Variants in SMYD3 observed in about 807,000 individuals in gnomAD.
SMYD3 encodes SET and MYND domain containing 3.
Under a neutral mutation model 57.7 loss-of-function variants are expected in SMYD3, and 36 were observed. The observed-to-expected ratio is 0.62, with a 90% CI of 0.48 to 0.82. The LOEUF (loss-of-function observed/expected upper bound fraction) is 0.82, where lower values mean the gene tolerates loss of function less well. Ranked by LOEUF, SMYD3 falls within the 40% of genes least tolerant of loss-of-function variation. The pLI, the probability that SMYD3 is intolerant of heterozygous loss-of-function variation, is 0.00. For missense variants in SMYD3, 515 were observed against 538.8 expected, an observed-to-expected ratio of 0.96 and a Z score of 0.44; for synonymous variants, 211 against 195.0, an observed-to-expected ratio of 1.08 and a Z score of -0.68.
intron 1 of SMYD3, among the ~76,000 whole-genome samples, chr1:246,454,698 T>C (rs1410486731): frequency 6.6e-6 from 1 of 152,214 alleles, no homozygotes; most frequent in Admixed American, 6.5e-5. Flanking sequence ...TTAATTTCAG[T>C]AACCAGAGTT....
At chr1:245,961,246 C>T (rs1271513195) in intron 5 of SMYD3, among the ~76,000 whole-genome samples, 1 of 152,198 alleles carries the variant, frequency 6.6e-6, no homozygotes, top group African/African-American at 2.4e-5. Flanking sequence ...GGTCAACCCT[C>T]ATTTCTAGGA....
At chr1:246,306,028 G>A (rs2064972077) in intron 5 of SMYD3, 1 of 152,110 alleles carries the variant, frequency 6.6e-6, no homozygotes, top group South Asian at 2.1e-4. Flanking sequence ...TTCTGCTCCT[G>A]TCTTCATTAC....
At chr1:246,239,699 T>A (rs572987889) in intron 5 of SMYD3, among the ~76,000 whole-genome samples, 6 of 152,150 alleles carry the variant, frequency 3.9e-5, no homozygotes, top group African/African-American at 9.7e-5. Context: ...TAGTTTACAG[T>A]CCCACCAACA....
intron 1 of SMYD3, among the ~76,000 whole-genome samples, chr1:246,494,067 A>T (rs1023454337): frequency 3.3e-5 from 5 of 152,160 alleles, no homozygotes; most frequent in African/African-American, 1.2e-4. Flanking sequence ...CCCTCATCAC[A>T]AAATTCACCC....
intron 5 of SMYD3, among the ~76,000 whole-genome samples, chr1:246,284,957 C>T (rs57119414): frequency 0.029 from 3,696 of 126,868 alleles, 160 homozygotes; most frequent in African/African-American, 0.1. Flanking sequence ...CTAGTAACTG[C>T]CTTTCCTTTT....
chr1:246,300,921 G>A (rs912852031), intron 5 of SMYD3, among the ~76,000 whole-genome samples: 2 of 152,182 alleles, frequency 1.3e-5, no homozygotes, highest in African/African-American at 4.8e-5. Flanking sequence ...AGAAACAAGG[G>A]ATATTAACTT....
chr1:245,913,957 A>T (rs943888751), intron 8 of SMYD3, among the ~76,000 whole-genome samples: 7 of 152,226 alleles, frequency 4.6e-5, no homozygotes, highest in African/African-American at 1.7e-4. Context: ...AAAAGACCAA[A>T]AAAAATAAAA....
At chr1:245,804,846 C>CTT (rs150065137) in intron 10 of SMYD3, among the ~76,000 whole-genome samples, 2,222 of 152,262 alleles carry the variant, frequency 0.015, 62 homozygotes, top group African/African-American at 0.051. Context: ...ATCTTGGTGT[C>CTT]TCAGCCTCTC....
intron 1 of SMYD3, among the ~76,000 whole-genome samples, chr1:246,470,998 T>G (rs1057122946): frequency 2.0e-5 from 3 of 152,004 alleles, no homozygotes; most frequent in Non-Finnish European, 2.9e-5. Context: ...GTGTTGTGTG[T>G]GGGGGGTGGT....
chr1:245,913,476 C>T (rs898157430), intron 8 of SMYD3, among the ~76,000 whole-genome samples: 53 of 150,848 alleles, frequency 3.5e-4, no homozygotes, highest in African/African-American at 1.1e-3. Flanking sequence ...CAAACCTGCA[C>T]GTTGTGCACA....
intron 6 of SMYD3, 96 bp from the exon 7 acceptor site, chr1:245,928,129 G>A: frequency 1.1e-6 from 1 of 883,352 alleles, no homozygotes; most frequent in Non-Finnish European, 1.7e-6. Flanking sequence ...TCCTTTGGGG[G>A]GCAGCAGCAG....
chr1:245,854,928 T>C (rs1412193612), intron 10 of SMYD3, among the ~76,000 whole-genome samples: 1 of 152,230 alleles, frequency 6.6e-6, no homozygotes, highest in Non-Finnish European at 1.5e-5. Context: ...TTAGGATTAC[T>C]GTTTACTTTC....
chr1:246,357,787 G>A (rs1046996288), intron 1 of SMYD3, among the ~76,000 whole-genome samples: 5 of 152,112 alleles, frequency 3.3e-5, no homozygotes, highest in Non-Finnish European at 5.9e-5. Context: ...TACCAAGCCA[G>A]CACTACAAGA....
chr1:246,240,812 T>C (rs931229331), intron 5 of SMYD3, among the ~76,000 whole-genome samples: 17 of 152,184 alleles, frequency 1.1e-4, no homozygotes, highest in African/African-American at 4.1e-4. Flanking sequence ...TTCACATTCC[T>C]TGTAAGTTGG....
intron 10 of SMYD3, chr1:245,814,292 T>G: frequency 1.2e-6 from 1 of 834,142 alleles, no homozygotes; most frequent in Non-Finnish European, 1.4e-6. Flanking sequence ...CTACCTCCAA[T>G]TATCCAAACC....
chr1:246,507,249 C>G lies in SMYD3; in HGVS notation c.-32G>C. 2 of 1,471,144 alleles carry G rather than the reference C, an allele frequency of 1.4e-6. No individual in the cohort carries two copies. Among genetic ancestry groups the G allele is most frequent in the Non-Finnish European group, 1.8e-6 (2 of 1,104,518 alleles). The allele number at this position is 1,471,144 out of a possible 1,614,324, so 91.1% of individuals were successfully genotyped here. ...GCAGCTCCGGCACCTCAGACGGCTA[C>G]CCGCGTCCAGCAGCGGGCGTCTCAC... On this transcript the variant is annotated 5_prime_UTR_variant, in exon 1 of 12. Coordinates refer to ENST00000490107, the MANE Select transcript of SMYD3 (RefSeq NM_001167740.2).
intron 5 of SMYD3, among the ~76,000 whole-genome samples, chr1:246,300,644 A>G (rs1161446916): frequency 1.3e-5 from 2 of 152,148 alleles, no homozygotes; most frequent in East Asian, 1.9e-4. Flanking sequence ...CAGTTCTACC[A>G]CTGACTAGCT....
At chr1:246,142,540 T>C (rs565743100) in intron 5 of SMYD3, among the ~76,000 whole-genome samples, 1 of 152,260 alleles carries the variant, frequency 6.6e-6, no homozygotes, top group East Asian at 1.9e-4. Flanking sequence ...TAACTGAGGG[T>C]GACTGCTAGG....
At chr1:246,150,895 G>A (rs779107843) in intron 5 of SMYD3, among the ~76,000 whole-genome samples, 1 of 152,206 alleles carries the variant, frequency 6.6e-6, no homozygotes, top group Non-Finnish European at 1.5e-5. Context: ...GATGGAGGAA[G>A]GCTTGTTCAG....
Sources: allele counts gnomAD v4.1 joint callset (sites outside exome capture counted in the v4.1 genomes callset), GRCh38; gene constraint gnomAD v4.1.1; transcripts MANE v1.5; gene names NCBI Gene and HGNC (gene_info 2026-07-23, HGNC 2026-07-21).